The following PIGL variants were observed in gnomAD, a reference collection of about 807,000 sequenced individuals.
PIGL encodes phosphatidylinositol glycan anchor biosynthesis class L.
A neutral mutation model predicts 31.1 loss-of-function variants in PIGL; 22 were observed. That is an observed-to-expected ratio of 0.71 (90% CI 0.51 to 1.01). The LOEUF is 1.01. Ranked by LOEUF, PIGL falls within the 50% of genes least tolerant of loss-of-function variation. The pLI is 0.00. For missense variants in PIGL, 302 were observed against 315.9 expected, an observed-to-expected ratio of 0.96 and a Z score of 0.33; for synonymous variants, 131 against 117.4, an observed-to-expected ratio of 1.12 and a Z score of -0.75.
chr17:16,292,269 G>A (rs901587960), intron 2 of PIGL, among the ~76,000 whole-genome samples: 3 of 151,768 alleles, frequency 2.0e-5, no homozygotes, highest in African/African-American at 7.3e-5. Context: ...CCTGATGTCA[G>A]GTGATCCACC....
At chr17:16,299,073 T>A (rs1425916241) in intron 2 of PIGL, among the ~76,000 whole-genome samples, 1 of 151,994 alleles carries the variant, frequency 6.6e-6, no homozygotes, top group East Asian at 1.9e-4. Context: ...CTGGGTGTGG[T>A]GGCACGTACC....
Position 16,326,359 on chromosome 17 carries a change from A to G in PIGL, c.*461A>G, listed in dbSNP as rs892725251. The G allele has an allele frequency of 6.3e-6, 1 of 158,822 alleles. No homozygotes were observed. Among genetic ancestry groups the G allele is most frequent in the Non-Finnish European group, 1.4e-5 (1 of 72,276 alleles). The allele number at this position is 158,822 out of a possible 1,614,324, so 9.8% of individuals were successfully genotyped here. A position where few individuals can be genotyped will look rare whatever the true frequency, so the allele number is the denominator to read the frequency against. On this transcript the variant is annotated 3_prime_UTR_variant, in exon 7 of 7. Transcript: ENST00000225609. The stretch of plus-strand genomic sequence containing the variant: ...AATTGGTTCAATCATAATTCCTTTG[A>G]TTTTTCTTGTATCAGAATGTGGGTC...
intron 2 of PIGL, among the ~76,000 whole-genome samples, chr17:16,242,644 CTTTTTTTTTT>C (rs35572629): frequency 1.1e-4 from 9 of 79,044 alleles, no homozygotes; most frequent in African/African-American, 1.9e-4. Flanking sequence ...TTTCTGATTC[CTTTTTTTTTT>C]TTTTTTTTTT....
chr17:16,227,854 C>T (rs2092659546), intron 1 of PIGL, among the ~76,000 whole-genome samples: 2 of 152,062 alleles, frequency 1.3e-5, no homozygotes, highest in Admixed American at 6.6e-5. Context: ...TTTGGGATTA[C>T]AGGCATGAGC....
chr17:16,279,181 C>T (rs1275194539), intron 2 of PIGL, among the ~76,000 whole-genome samples: 2 of 152,198 alleles, frequency 1.3e-5, no homozygotes, highest in African/African-American at 4.8e-5. Context: ...GAGTCCCAAT[C>T]CAGACCCCAA....
intron 6 of PIGL, among the ~76,000 whole-genome samples, chr17:16,319,128 G>A (rs1482483869): frequency 6.7e-6 from 1 of 149,862 alleles, no homozygotes; most frequent in Admixed American, 6.7e-5. Flanking sequence ...GGGTAGCTGA[G>A]GCAGGAGGAT....
intron 1 of PIGL, among the ~76,000 whole-genome samples, chr17:16,233,414 C>A (rs2092686929): frequency 6.6e-6 from 1 of 151,914 alleles, no homozygotes; most frequent in South Asian, 2.1e-4. Context: ...ATCAAGATCC[C>A]CTTGGGGTAT....
chr17:16,268,593 C>T (rs775273991), intron 2 of PIGL, among the ~76,000 whole-genome samples: 5 of 151,976 alleles, frequency 3.3e-5, no homozygotes, highest in Admixed American at 1.3e-4. Flanking sequence ...GGATTACAGG[C>T]GCCTGCCACC....
intron 3 of PIGL, 186 bp downstream of exon 3, chr17:16,300,164 T>C: frequency 1.7e-6 from 1 of 575,596 alleles, no homozygotes; most frequent in Non-Finnish European, 3.1e-6. Flanking sequence ...CCTTTTGATA[T>C]CTTTACGATC....
In PIGL at chr17:16,316,698, G is replaced by C; in HGVS notation, c.512G>C (p.Gly171Ala). ...TCCTCCAGGGCCCTGCACTCAGAAG[G>C]GAAGTTACCTAAAGGTAAGGCTTGT... is the stretch of plus-strand genomic sequence containing the variant. ...YAAVRALHSE[G>A]KLPKGCSVLT... The change falls in exon 5 of 7, where the codon GGG (glycine) becomes GCG (alanine). Residue 171 changes from glycine to alanine, a missense_variant. By Grantham distance (60) the Gly-to-Ala change is moderately conservative (BLOSUM62 0). Transcript: ENST00000225609. 1 of 1,607,028 alleles carries C rather than the reference G, an allele frequency of 6.2e-7. No individual in the cohort carries two copies. The highest frequency in any genetic ancestry group is 8.5e-7 in the Non-Finnish European group (1 of 1,174,190).
At chr17:16,254,103 C>T (rs1240052334) in intron 2 of PIGL, among the ~76,000 whole-genome samples, 1 of 152,052 alleles carries the variant, frequency 6.6e-6, no homozygotes, top group Non-Finnish European at 1.5e-5. Flanking sequence ...CCACATTTTC[C>T]AACGCCCTTC....
chr17:16,320,219 A>AGGGG (rs2093097549), intron 6 of PIGL, among the ~76,000 whole-genome samples: 1 of 88,652 alleles, frequency 1.1e-5, no homozygotes. Flanking sequence ...GGAAGGAAGG[A>AGGGG]AGGAAGGAAG....
intron 2 of PIGL, among the ~76,000 whole-genome samples, chr17:16,277,143 C>T (rs970749003): frequency 6.6e-6 from 1 of 152,130 alleles, no homozygotes; most frequent in African/African-American, 2.4e-5. Context: ...ACAGGGACTA[C>T]GTAGACAATG....
At chr17:16,268,131 A>G (rs77182281) in intron 2 of PIGL, among the ~76,000 whole-genome samples, 7,311 of 152,230 alleles carry the variant, frequency 0.048, 219 homozygotes, top group African/African-American at 0.089. Context: ...ATTTAGGGAA[A>G]GTTCTCCTGA....
At chr17:16,243,330 G>T (rs1371131936) in intron 2 of PIGL, among the ~76,000 whole-genome samples, 1 of 152,210 alleles carries the variant, frequency 6.6e-6, no homozygotes, top group Non-Finnish European at 1.5e-5. Flanking sequence ...GATTACAGGC[G>T]TGAGCCACCG....
At chr17:16,313,506 G>A (rs2093063523) in intron 3 of PIGL, 41 bp from the exon 4 acceptor site, 3 of 1,426,490 alleles carry the variant, frequency 2.1e-6, no homozygotes, top group Non-Finnish European at 3.0e-6. Context: ...AGTTGAGGTG[G>A]TGGAGAAGGC....
intron 6 of PIGL, among the ~76,000 whole-genome samples, chr17:16,324,664 T>A (rs1406519415): frequency 6.6e-6 from 1 of 152,156 alleles, no homozygotes; most frequent in Non-Finnish European, 1.5e-5. Context: ...TGGCAAGTCA[T>A]GTAGGGTCTG....
At chr17:16,277,559 A>G (rs754902247) in intron 2 of PIGL, among the ~76,000 whole-genome samples, 8 of 152,210 alleles carry the variant, frequency 5.3e-5, no homozygotes, top group Non-Finnish European at 1.2e-4. Context: ...CAATCCATGC[A>G]GTTAACTCCT....
At chr17:16,273,575 C>T (rs1443417093) in intron 2 of PIGL, among the ~76,000 whole-genome samples, 1 of 151,890 alleles carries the variant, frequency 6.6e-6, no homozygotes. Context: ...TAGGTATGGT[C>T]ACGTGAGAAA....
Sources: allele counts gnomAD v4.1 joint callset (sites outside exome capture counted in the v4.1 genomes callset), GRCh38; gene constraint gnomAD v4.1.1; transcripts MANE v1.5; gene names NCBI Gene and HGNC (gene_info 2026-07-23, HGNC 2026-07-21).